Variants in KCTD8 observed in about 807,000 individuals in gnomAD.
KCTD8 encodes potassium channel tetramerization domain containing 8, also known as BTB/POZ domain-containing protein KCTD8.
A neutral mutation model predicts 31.5 loss-of-function variants in KCTD8; 27 were observed. The ratio of observed to expected loss-of-function variants is 0.86; its 90% CI spans 0.63 to 1.18. The LOEUF is 1.18. KCTD8 is among the 50% of genes most tolerant of loss of function. The pLI, the probability that KCTD8 is intolerant of heterozygous loss-of-function variation, is 0.00. For synonymous variants in KCTD8, 290 were observed against 280.0 expected, an observed-to-expected ratio of 1.04 and a Z score of -0.36; for missense variants, 658 against 647.7, an observed-to-expected ratio of 1.02 and a Z score of -0.17.
At chr4:44,271,725 G>GCCCAT (rs1298597455) in intron 1 of KCTD8, among the ~76,000 whole-genome samples, 1 of 152,120 alleles carries the variant, frequency 6.6e-6, no homozygotes, top group Non-Finnish European at 1.5e-5. Context: ...ACTAGCCAGA[G>GCCCAT]CCCATCCCTT....
At chr4:44,328,970 G>T (rs1032533925) in intron 1 of KCTD8, among the ~76,000 whole-genome samples, 1 of 151,708 alleles carries the variant, frequency 6.6e-6, no homozygotes, top group African/African-American at 2.4e-5. Context: ...ACTCTCCCAG[G>T]GCTTTTGTTT....
chr4:44,436,677 A>G (rs1360507799), intron 1 of KCTD8, among the ~76,000 whole-genome samples: 2 of 152,146 alleles, frequency 1.3e-5, no homozygotes, highest in African/African-American at 4.8e-5. Flanking sequence ...AGCAAAAAAG[A>G]AACAGACATG....
At chr4:44,369,250 T>G (rs1298749058) in intron 1 of KCTD8, among the ~76,000 whole-genome samples, 1 of 152,208 alleles carries the variant, frequency 6.6e-6, no homozygotes, top group Non-Finnish European at 1.5e-5. Flanking sequence ...ATGTTTATAC[T>G]TCTAATTAGG....
At position 44,180,587 on chromosome 4, in the gene KCTD8, G is replaced by GCACA. The variant is rs201708007; in HGVS notation, c.962-5341_962-5338dup. On this transcript the variant is annotated intron_variant, in intron 1 of 1. Coordinates refer to ENST00000360029, the MANE Select transcript of KCTD8 (RefSeq NM_198353.3). ...TGAAGAACAGTCAGTATACATACAT[G>GCACA]CACACACACACACACACACACACAC... Among the ~76,000 whole-genome samples the GCACA allele has an allele frequency of 4.3e-3, 596 of 139,188 alleles. 7 individuals are homozygous for GCACA. Among genetic ancestry groups the GCACA allele is most frequent in the Middle Eastern group, 7.3e-3 (2 of 274 alleles). 91.3% of individuals were successfully genotyped at this position (139,188 alleles called of 152,430 possible).
chr4:44,206,253 C>A lies in KCTD8; in HGVS notation c.962-31003G>T, dbSNP rs17460373. 1.1e-3 allele frequency among the ~76,000 whole-genome samples: 163 copies of A among 152,058 alleles called. 1 individual carries two copies. The highest frequency in any genetic ancestry group is 1.5e-3 in the Non-Finnish European group (100 of 68,006). On this transcript the variant is annotated intron_variant, in intron 1 of 1. Coordinates refer to ENST00000360029, the MANE Select transcript of KCTD8 (RefSeq NM_198353.3). ...TTTGGACCCTAATTCATTACTGGTT[C>A]AATAGCAGAAACAATTACACGGTAA...
At chr4:44,408,846 T>C (rs1720876665) in intron 1 of KCTD8, among the ~76,000 whole-genome samples, 1 of 152,052 alleles carries the variant, frequency 6.6e-6, no homozygotes. Context: ...CTTGATATCC[T>C]GACCTCATGA....
intron 1 of KCTD8, among the ~76,000 whole-genome samples, chr4:44,369,326 A>C (rs1719722452): frequency 6.6e-6 from 1 of 152,198 alleles, no homozygotes. Flanking sequence ...TAGAAGAGTT[A>C]ATTGCCACTT....
chr4:44,280,487 T>C (rs1716877065), intron 1 of KCTD8, among the ~76,000 whole-genome samples: 1 of 152,060 alleles, frequency 6.6e-6, no homozygotes, highest in African/African-American at 2.4e-5. Flanking sequence ...GGGATGGCAA[T>C]TATTAATTTC....
At chr4:44,321,449 C>T (rs554036481) in intron 1 of KCTD8, among the ~76,000 whole-genome samples, 9 of 152,136 alleles carry the variant, frequency 5.9e-5, no homozygotes, top group Admixed American at 1.3e-4. Flanking sequence ...CACTGTTTTC[C>T]GTGTTTTAGT....
At chr4:44,219,872 T>C (rs1714758895) in intron 1 of KCTD8, among the ~76,000 whole-genome samples, 1 of 152,202 alleles carries the variant, frequency 6.6e-6, no homozygotes, top group Non-Finnish European at 1.5e-5. Context: ...GAGAATGAAG[T>C]TAGGATAATC....
chr4:44,254,364 G>GT (rs1168843917), intron 1 of KCTD8, among the ~76,000 whole-genome samples: 3 of 151,892 alleles, frequency 2.0e-5, no homozygotes, highest in African/African-American at 7.2e-5. Context: ...AGGAAAACAC[G>GT]TTTTTAAGGT....
chr4:44,429,708 T>C (rs192984607), intron 1 of KCTD8, among the ~76,000 whole-genome samples: 14 of 151,794 alleles, frequency 9.2e-5, no homozygotes, highest in East Asian at 1.9e-4. Context: ...AAATGTATAA[T>C]TGAGAGGGAG....
chr4:44,336,579 G>A (rs942844250), intron 1 of KCTD8, among the ~76,000 whole-genome samples: 3 of 151,940 alleles, frequency 2.0e-5, no homozygotes, highest in African/African-American at 7.2e-5. Flanking sequence ...ACAGATATAA[G>A]CGTTACAACT....
chr4:44,245,053 A>G (rs1281453149), intron 1 of KCTD8, among the ~76,000 whole-genome samples: 1 of 152,212 alleles, frequency 6.6e-6, no homozygotes, highest in Non-Finnish European at 1.5e-5. Context: ...AGAGTAAAGT[A>G]AACATACTCA....
chr4:44,209,435 T>C (rs1296883648), intron 1 of KCTD8, among the ~76,000 whole-genome samples: 1 of 151,978 alleles, frequency 6.6e-6, no homozygotes. Context: ...CATACATAAT[T>C]TGTTCTCTTT....
chr4:44,326,868 G>A (rs1325929543), intron 1 of KCTD8, among the ~76,000 whole-genome samples: 1 of 151,800 alleles, frequency 6.6e-6, no homozygotes, highest in African/African-American at 2.4e-5. Flanking sequence ...AAATTAACCA[G>A]CTCATATTCC....
rs1212247441 is a variant in KCTD8, at chr4:44,175,241, T to A, written c.971A>T (p.Gln324Leu). 1 of 1,538,498 alleles carries A rather than the reference T, an allele frequency of 6.5e-7. No homozygotes were observed. The change falls in exon 2 of 2, where the codon CAG becomes CTG. Residue 324 changes from glutamine to leucine, a missense_variant. Physicochemically the swap from Gln to Leu is moderately radical, Grantham distance 113 (BLOSUM62 -2). Coordinates refer to ENST00000360029, the MANE Select transcript of KCTD8 (RefSeq NM_198353.3). Reference sequence around the variant, plus strand: ...TTCTTGTTTAGGTGATACTATTTTCTGAGGTGGTCCTAAAAAGGAGGAAAA... The same window carrying A: ...TTCTTGTTTAGGTGATACTATTTTCAGAGGTGGTCCTAAAAAGGAGGAAAA... ...YTEYIFFRPP[Q>L]KIVSPKQEHE...
intron 1 of KCTD8, among the ~76,000 whole-genome samples, chr4:44,328,865 C>A (rs1213954746): frequency 1.3e-5 from 2 of 151,882 alleles, no homozygotes; most frequent in Non-Finnish European, 2.9e-5. Flanking sequence ...TACCATCACT[C>A]CATGGCAGCT....
chr4:44,347,887 G>GA (rs1052222193), intron 1 of KCTD8, among the ~76,000 whole-genome samples: 17 of 152,140 alleles, frequency 1.1e-4, no homozygotes, highest in Non-Finnish European at 2.2e-4. Context: ...CATTTATAGG[G>GA]AAAAAATGTC....
Sources: gnomAD v4.1 joint callset for allele counts (sites outside exome capture counted in the v4.1 genomes callset) on GRCh38, gnomAD v4.1.1 for gene constraint, MANE v1.5 for transcripts, NCBI Gene and HGNC (gene_info 2026-07-23, HGNC 2026-07-21) for gene names.